The following TRIQK variants were observed in gnomAD, a reference collection of about 807,000 sequenced individuals.
TRIQK encodes triple QxxK/R motif-containing protein.
In TRIQK, 10 loss-of-function variants were observed where a neutral mutation model predicts 10.8. That is an observed-to-expected ratio of 0.92 (90% CI 0.57 to 1.57). The LOEUF is 1.57. TRIQK is among the 40% of genes most tolerant of loss of function. TRIQK has a pLI of 0.00. For synonymous variants in TRIQK, 33 were observed against 33.7 expected, an observed-to-expected ratio of 0.98 and a Z score of 0.07; for missense variants, 107 against 97.7, an observed-to-expected ratio of 1.09 and a Z score of -0.40.
rs56063230 is a variant in TRIQK at position 92,940,334 on chromosome 8, T to TA, written c.-22+14071dup. On this transcript the variant is annotated intron_variant, in intron 2 of 4. Transcript: ENST00000521988. ...ACTTAGAGTTGCTGAATAGATTTAA[T>TA]AAAAAAAAAAAAAAAAAGACCCAAC... 5.0e-3 allele frequency among the ~76,000 whole-genome samples: 649 copies of TA among 130,358 alleles called. 3 individuals are homozygous for TA. Among genetic ancestry groups the TA allele is most frequent in the Admixed American group, 0.017 (223 of 13,330 alleles). 85.5% of individuals were successfully genotyped at this position (130,358 alleles called of 152,430 possible).
intron 2 of TRIQK, among the ~76,000 whole-genome samples, chr8:92,934,293 T>C (rs1186416730): frequency 3.9e-5 from 6 of 151,978 alleles, no homozygotes; most frequent in African/African-American, 1.4e-4. Context: ...CTAAACTCTC[T>C]TCCAGTTTAA....
intron 3 of TRIQK, among the ~76,000 whole-genome samples, chr8:92,901,702 T>C (rs1285546161): frequency 6.6e-5 from 10 of 152,142 alleles, no homozygotes; most frequent in Admixed American, 6.6e-4. Context: ...GCCTGTAGTT[T>C]TCTTTTTTTT....
intron 2 of TRIQK, among the ~76,000 whole-genome samples, chr8:92,948,814 C>A (rs1476285160): frequency 1.3e-5 from 2 of 152,172 alleles, no homozygotes; most frequent in African/African-American, 4.8e-5. Flanking sequence ...ATTGAAAATG[C>A]TTTGAGTTTT....
intron 3 of TRIQK, among the ~76,000 whole-genome samples, chr8:92,914,415 C>T (rs554633249): frequency 6.6e-6 from 1 of 152,164 alleles, no homozygotes; most frequent in Admixed American, 6.5e-5. Flanking sequence ...TTCTGCATGG[C>T]ATAAGGAGCA....
At chr8:92,934,608 C>T (rs1180318640) in intron 2 of TRIQK, among the ~76,000 whole-genome samples, 1 of 151,794 alleles carries the variant, frequency 6.6e-6, no homozygotes, top group East Asian at 1.9e-4. Context: ...AGTATAAAAA[C>T]AACTGGTCTA....
At chr8:92,900,835 T>C (rs1026934796) in intron 3 of TRIQK, among the ~76,000 whole-genome samples, 1 of 152,164 alleles carries the variant, frequency 6.6e-6, no homozygotes, top group African/African-American at 2.4e-5. Context: ...CTGGGTAGGA[T>C]AAACAATTTA....
In TRIQK at chr8:92,990,599, A is replaced by G. The variant is rs1236565934; in HGVS notation, c.-181+27010T>C. ...GTTAGACAGTGGGTGCAGCCCACAG[A>G]GGGCAAGCTGAAGCAGCGTGGGAAG... On this transcript the variant is annotated intron_variant, in intron 1 of 4. Coordinates refer to the TRIQK transcript ENST00000520686. Among the ~76,000 whole-genome samples the G allele has an allele frequency of 2.0e-5, 3 of 152,134 alleles. No homozygotes were observed. In the East Asian group the frequency reaches 5.8e-4, roughly 30 times the overall value.
intron 2 of TRIQK, among the ~76,000 whole-genome samples, chr8:92,946,403 G>A (rs542902847): frequency 3.3e-5 from 5 of 152,122 alleles, no homozygotes; most frequent in African/African-American, 7.2e-5. Flanking sequence ...TTTAAATAAG[G>A]GAGTCCAGTT....
At chr8:92,908,487 C>T (rs1809397718) in intron 3 of TRIQK, among the ~76,000 whole-genome samples, 1 of 152,132 alleles carries the variant, frequency 6.6e-6, no homozygotes, top group African/African-American at 2.4e-5. Context: ...CACATCTTTT[C>T]ACCTGCAAAT....
At chr8:92,890,034 G>T (rs1268701387) in intron 4 of TRIQK, among the ~76,000 whole-genome samples, 1 of 151,762 alleles carries the variant, frequency 6.6e-6, no homozygotes, top group Non-Finnish European at 1.5e-5. Context: ...CAATATGCTT[G>T]TTGTTCATTA....
rs371037362 is a variant in TRIQK at position 92,987,034 on chromosome 8, T to C, written c.-181+30575A>G. Among the ~76,000 whole-genome samples the C allele has an allele frequency of 2.6e-4, 40 of 152,326 alleles. No individual in the cohort carries two copies. In the South Asian group the frequency reaches 7.2e-3, roughly 28 times the overall value. On this transcript the variant is annotated intron_variant, in intron 1 of 4. Transcript: ENST00000520686. ...ATAAATGAAATGGTCAGCTATAAAG[T>C]TTTATTTCTCATTTTAATTTGAAAT...
intron 1 of TRIQK, among the ~76,000 whole-genome samples, chr8:92,964,078 A>G (rs1359577547): frequency 4.6e-5 from 7 of 152,130 alleles, no homozygotes; most frequent in Non-Finnish European, 7.4e-5. Context: ...CCCGTTTGTT[A>G]GTGCTCAAAA....
intron 2 of TRIQK, among the ~76,000 whole-genome samples, chr8:92,937,799 C>T (rs1811068387): frequency 6.6e-6 from 1 of 151,792 alleles, no homozygotes; most frequent in African/African-American, 2.4e-5. Flanking sequence ...CCAATCTCAA[C>T]CCTCTATCCT....
intron 3 of TRIQK, among the ~76,000 whole-genome samples, chr8:92,913,216 T>A (rs1316513648): frequency 6.6e-6 from 1 of 151,980 alleles, no homozygotes; most frequent in Non-Finnish European, 1.5e-5. Flanking sequence ...CACATGATGA[T>A]CTCAACAAAT....
At chr8:92,939,374 G>A (rs1023342628) in intron 2 of TRIQK, among the ~76,000 whole-genome samples, 17 of 152,148 alleles carry the variant, frequency 1.1e-4, no homozygotes, top group South Asian at 2.1e-4. Flanking sequence ...AAGCAAAGGG[G>A]ATAGAATGGC....
At chr8:92,950,377 A>G (rs1484541759) in intron 2 of TRIQK, among the ~76,000 whole-genome samples, 1 of 152,294 alleles carries the variant, frequency 6.6e-6, no homozygotes, top group African/African-American at 2.4e-5. Context: ...ACATATGTAC[A>G]TACAAAAGGC....
intron 1 of TRIQK, among the ~76,000 whole-genome samples, chr8:92,996,324 A>G (rs181984162): frequency 1.3e-5 from 2 of 152,118 alleles, no homozygotes; most frequent in East Asian, 1.9e-4. Context: ...CAATGTTCTC[A>G]TGGCATTTTA....
intron 2 of TRIQK, among the ~76,000 whole-genome samples, chr8:92,940,490 T>C (rs1173026829): frequency 6.6e-6 from 1 of 152,050 alleles, no homozygotes; most frequent in Non-Finnish European, 1.5e-5. Context: ...TTATATCAAA[T>C]AAAATAGACT....
chr8:93,007,300 G>T (rs376138859), intron 1 of TRIQK, among the ~76,000 whole-genome samples: 26 of 152,278 alleles, frequency 1.7e-4, no homozygotes, highest in African/African-American at 6.3e-4. Context: ...GAGCCAGACT[G>T]TTAAAAGAAA....
Sources: gnomAD v4.1 joint callset for allele counts (sites outside exome capture counted in the v4.1 genomes callset) on GRCh38, gnomAD v4.1.1 for gene constraint, MANE v1.5 for transcripts, NCBI Gene and HGNC (gene_info 2026-07-23, HGNC 2026-07-21) for gene names.